SCHIP1: variants seen among roughly 807,000 people sequenced by gnomAD.
SCHIP1 encodes schwannomin-interacting protein 1.
SCHIP1 carries 8 observed loss-of-function variants against 29.7 expected under a neutral mutation model. That is an observed-to-expected ratio of 0.27 (90% confidence interval 0.16 to 0.49). SCHIP1 has a LOEUF of 0.49. SCHIP1 is among the 20% of genes least tolerant of loss of function. The pLI, the probability that SCHIP1 is intolerant of heterozygous loss-of-function variation, is 0.99. For missense variants in SCHIP1, 193 were observed against 294.6 expected (o/e 0.66, Z 2.52); for synonymous variants, 76 against 94.9 (o/e 0.80, Z 1.16).
chr3:159,394,520 A>G, the SCHIP1 span, among the ~76,000 whole-genome samples: 1 of 152,200 alleles, frequency 6.6e-6, no homozygotes, highest in Admixed American at 6.5e-5. Flanking sequence ...AGTTTTTAGC[A>G]TGAAGGGTTG....
At chr3:159,297,126 TTGTGTGTGTGTGTGTGTG>T in the SCHIP1 span, among the ~76,000 whole-genome samples, 2,516 of 143,372 alleles carry the variant, frequency 0.018, 71 homozygotes, top group African/African-American at 0.062. Context: ...TAATATTCCA[TTGTGTGTGTGTGTGTGTG>T]TGTGTGTGTG....
chr3:159,456,244 AT>A, the SCHIP1 span, among the ~76,000 whole-genome samples: 1 of 152,156 alleles, frequency 6.6e-6, no homozygotes, highest in Non-Finnish European at 1.5e-5. Context: ...TCGAATGAAT[AT>A]TATGGAACTT....
chr3:159,491,841 G>A, the SCHIP1 span, among the ~76,000 whole-genome samples: 1 of 152,242 alleles, frequency 6.6e-6, no homozygotes, highest in Admixed American at 6.5e-5. Flanking sequence ...CTAACTGGGA[G>A]GCACCCCCAA....
chr3:159,857,622 G>A (rs781133862), intron 1 of SCHIP1, among the ~76,000 whole-genome samples: 17 of 151,876 alleles, frequency 1.1e-4, no homozygotes, highest in Non-Finnish European at 1.5e-4. Context: ...TCTGACAACC[G>A]CTAATTTACT....
chr3:159,697,719 A>G, the SCHIP1 span, among the ~76,000 whole-genome samples: 1 of 152,198 alleles, frequency 6.6e-6, no homozygotes, highest in Non-Finnish European at 1.5e-5. Flanking sequence ...CAGATCATAG[A>G]TAGTTTTTAG....
the SCHIP1 span, among the ~76,000 whole-genome samples, chr3:159,657,880 T>A: frequency 6.6e-6 from 1 of 152,334 alleles, no homozygotes; most frequent in African/African-American, 2.4e-5. Context: ...GATGTCATTG[T>A]CCACATGAAG....
chr3:159,666,619 A>G, the SCHIP1 span, among the ~76,000 whole-genome samples: 1 of 151,016 alleles, frequency 6.6e-6, no homozygotes, highest in Non-Finnish European at 1.5e-5. Flanking sequence ...CACACTTACT[A>G]TAAACATTAT....
At chr3:159,285,635 C>G in the SCHIP1 span, among the ~76,000 whole-genome samples, 1 of 151,768 alleles carries the variant, frequency 6.6e-6, no homozygotes, top group African/African-American at 2.4e-5. Context: ...TTTATTGTCT[C>G]AAATAAATTG....
chr3:159,632,723 C>T, the SCHIP1 span, among the ~76,000 whole-genome samples: 6 of 152,198 alleles, frequency 3.9e-5, no homozygotes, highest in African/African-American at 9.6e-5. Flanking sequence ...TTGAGCTGGT[C>T]TGACTGAAGG....
At chr3:159,642,841 A>T in the SCHIP1 span, among the ~76,000 whole-genome samples, 1 of 152,080 alleles carries the variant, frequency 6.6e-6, no homozygotes, top group Non-Finnish European at 1.5e-5. Context: ...TCAGAGACAG[A>T]AACAAAGGAG....
chr3:159,526,737 C>T, the SCHIP1 span, among the ~76,000 whole-genome samples: 13,187 of 152,256 alleles, frequency 0.087, 744 homozygotes, highest in South Asian at 0.13. Context: ...GACCAGTCAA[C>T]ATCTTGCCAT....
chr3:159,686,936 C>T, the SCHIP1 span, among the ~76,000 whole-genome samples: 4 of 152,194 alleles, frequency 2.6e-5, no homozygotes, highest in Non-Finnish European at 4.4e-5. Context: ...CTGTACTAAC[C>T]CTGCTTTCTT....
At chr3:159,698,695 G>A in the SCHIP1 span, among the ~76,000 whole-genome samples, 1 of 152,038 alleles carries the variant, frequency 6.6e-6, no homozygotes, top group African/African-American at 2.4e-5. Context: ...CTGGAGTGCA[G>A]TGGCATGGTC....
At chr3:159,462,226 A>T in the SCHIP1 span, among the ~76,000 whole-genome samples, 2 of 152,206 alleles carry the variant, frequency 1.3e-5, no homozygotes, top group African/African-American at 4.8e-5. Flanking sequence ...TAAAAAATAA[A>T]AAATAATAAA....
chr3:159,308,875 G>C, the SCHIP1 span, among the ~76,000 whole-genome samples: 1 of 152,178 alleles, frequency 6.6e-6, no homozygotes, highest in Admixed American at 6.6e-5. Flanking sequence ...CATGAATGGA[G>C]CTGGAGGCCA....
chr3:159,757,093 A>G, the SCHIP1 span, among the ~76,000 whole-genome samples: 13 of 152,150 alleles, frequency 8.5e-5, no homozygotes, highest in South Asian at 4.1e-4. Context: ...TCCCTTCCAC[A>G]TTTTCTGGTA....
chr3:159,836,772 G>T (rs1015490772), upstream of SCHIP1, among the ~76,000 whole-genome samples: 2 of 152,104 alleles, frequency 1.3e-5, no homozygotes, highest in African/African-American at 2.4e-5. Flanking sequence ...TACATAAAAA[G>T]TTCATCAATA....
At chr3:159,672,216 G>A in the SCHIP1 span, among the ~76,000 whole-genome samples, 10 of 152,316 alleles carry the variant, frequency 6.6e-5, no homozygotes, top group East Asian at 1.7e-3. Context: ...TCTTCACAAG[G>A]TATGGAGATA....
chr3:159,789,703 C>T, the SCHIP1 span, among the ~76,000 whole-genome samples: 12 of 152,184 alleles, frequency 7.9e-5, no homozygotes, highest in African/African-American at 2.9e-4. Flanking sequence ...GATAAGATTA[C>T]ATAATTCAGG....
Sources: allele counts gnomAD v4.1 joint callset (sites outside exome capture counted in the v4.1 genomes callset), GRCh38; gene constraint gnomAD v4.1.1; transcripts MANE v1.5; gene names NCBI Gene and HGNC (gene_info 2026-07-23, HGNC 2026-07-21).